Variants in ANGPTL4 observed in about 807,000 individuals in gnomAD.
The protein encoded by ANGPTL4 is angiopoietin like 4.
Under a neutral mutation model 39.2 loss-of-function variants are expected in ANGPTL4, and 39 were observed. The ratio of observed to expected loss-of-function variants is 1.00; its 90% CI spans 0.77 to 1.30. The LOEUF is 1.30. Among genes scored for constraint, ANGPTL4 ranks in the 50% most tolerant of loss-of-function variants. The pLI, the probability that ANGPTL4 is intolerant of heterozygous loss-of-function variation, is 0.00. For synonymous variants in ANGPTL4, 233 were observed against 229.5 expected (o/e 1.02, Z -0.14); for missense variants, 545 against 549.8 (o/e 0.99, Z 0.09).
chr19:8,370,615 G>A (rs911764522), intron 4 of ANGPTL4, among the ~76,000 whole-genome samples: 16 of 149,112 alleles, frequency 1.1e-4, no homozygotes, highest in African/African-American at 3.5e-4. Flanking sequence ...CACAAGAATC[G>A]CTTGAGCCCC....
intron 6 of ANGPTL4, 185 bp from the exon 7 acceptor site, chr19:8,373,520 G>C (rs572903620): frequency 1.3e-4 from 28 of 210,072 alleles, no homozygotes; most frequent in African/African-American, 3.5e-4. Context: ...GCAGTGAGCT[G>C]AGATCGCACC....
In ANGPTL4 at chr19:8,364,206, C is replaced by T. The variant is rs373435482; in HGVS notation, c.-116C>T. 4.0e-5 allele frequency: 43 copies of T among 1,064,700 alleles called. 3 individuals carry two copies. Among genetic ancestry groups the T allele is most frequent in the African/African-American group, 7.9e-5 (5 of 63,254 alleles). The allele number at this position is 1,064,700 out of a possible 1,614,324, so 66.0% of individuals were successfully genotyped here. On this transcript the variant is annotated 5_prime_UTR_variant, in exon 1 of 7. Coordinates refer to ENST00000301455, the MANE Select transcript of ANGPTL4 (RefSeq NM_139314.3). ...ACGACTGTGATCCGATTCTTTCCAG[C>T]GGCTTCTGCAACCAAGCGGGTCTTA...
Position 8,366,311 on chromosome 19 carries a change from G to A in ANGPTL4, c.539G>A (p.Arg180His), listed in dbSNP as rs145836344. 2.3e-5 allele frequency: 37 copies of A among 1,613,372 alleles called. No individual in the cohort carries two copies. Among genetic ancestry groups the A allele is most frequent in the Admixed American group, 5.0e-5 (3 of 59,974 alleles). Residue 180 changes from arginine to histidine, a missense_variant, in exon 3 of 7, where the codon CGC becomes CAC. Arg to His is a conservative substitution (Grantham distance 29). Transcript: ENST00000301455. Reference protein sequence around the residue: ...QPVDPAHNVSRLHRLPRDCQE... With the variant: ...QPVDPAHNVSHLHRLPRDCQE... The stretch of plus-strand genomic sequence containing the variant: ...GTTGACCCGGCTCACAATGTCAGCC[G>A]CCTGCACCGTGAGTGTCTGCCCCTC...
rs1417551643 is a variant in ANGPTL4 at position 8,374,212 on chromosome 19, T to C, written c.*326T>C. 7 of 367,472 alleles carry C rather than the reference T, an allele frequency of 1.9e-5. No individual in the cohort carries two copies. Among genetic ancestry groups the C allele is most frequent in the Non-Finnish European group, 3.6e-5 (7 of 193,096 alleles). 22.8% of individuals were successfully genotyped at this position (367,472 alleles called of 1,614,324 possible). On this transcript the variant is annotated 3_prime_UTR_variant, in exon 7 of 7. Coordinates refer to ENST00000301455, the MANE Select transcript of ANGPTL4 (RefSeq NM_139314.3). ...AGCCAGACTGGCCTCAATGGCGGAC[T>C]CAGTCACATTGACTGACGGGGACCA...
At position 8,373,898 on chromosome 19, in the gene ANGPTL4, G is replaced by C. The variant is rs1010576800; in HGVS notation, c.*12G>C. 2 of 1,612,528 alleles carry C rather than the reference G, an allele frequency of 1.2e-6. No homozygotes were observed. Among genetic ancestry groups the C allele is most frequent in the African/African-American group, 2.7e-5 (2 of 75,008 alleles). On this transcript the variant is annotated 3_prime_UTR_variant, in exon 7 of 7. Transcript: ENST00000301455. ...AGGCAGCCTCCTAGCGTCCTGGCTG[G>C]GCCTGGTCCCAGGCCCACGAAAGAC... is the stretch of plus-strand genomic sequence containing the variant.
At position 8,371,107 on chromosome 19, in the gene ANGPTL4, A is replaced by G. The variant is rs1229469014; in HGVS notation, c.713A>G (p.Asn238Ser). ...CGCCACGATGGCTCAGTGGACTTCA[A>G]CCGGCCCTGGGAAGCCTACAAGGCG... ...QRRHDGSVDFNRPWEAYKAGF... is the reference protein window; with the variant it reads ...QRRHDGSVDFSRPWEAYKAGF... The change falls in exon 5 of 7, where the codon AAC becomes AGC. Residue 238 changes from asparagine to serine, a missense_variant. Physicochemically the swap from Asn to Ser is conservative, Grantham distance 46. Coordinates refer to ENST00000301455, the MANE Select transcript of ANGPTL4 (RefSeq NM_139314.3). This position sits in a 1 kb window ranked among gnomAD's most constrained non-coding sequence, Gnocchi z 5.1. 1.1e-5 allele frequency: 18 copies of G among 1,611,238 alleles called. No individual in the cohort carries two copies. Among genetic ancestry groups the G allele is most frequent in the Middle Eastern group, 1.6e-4 (1 of 6,082 alleles).
intron 4 of ANGPTL4, 144 bp downstream of exon 4, chr19:8,369,476 T>TC: frequency 2.0e-6 from 1 of 500,504 alleles, no homozygotes; most frequent in East Asian, 3.7e-5. Flanking sequence ...TTTTTTTTTT[T>TC]GAGATGGAGT....
At chr19:8,370,800 C>T (rs1971100540) in intron 4 of ANGPTL4, among the ~76,000 whole-genome samples, 1 of 152,042 alleles carries the variant, frequency 6.6e-6, no homozygotes, top group Admixed American at 6.6e-5. Flanking sequence ...TCAGCTGGCC[C>T]AGAGAGGCTT....
In ANGPTL4 at chr19:8,371,178, CA is replaced by C; in HGVS notation, c.757+28del. 1.9e-6 allele frequency: 3 copies of C among 1,614,022 alleles called. No individual in the cohort carries two copies. In the African/African-American group the frequency reaches 4.0e-5, roughly 22 times the overall value. ...TAGGTGTTTCTAGTGGGGACAGAGG[CA>C]GGGGAGGAAGAGGGACCCTCAGAAG... is the stretch of plus-strand genomic sequence containing the variant. On this transcript the variant is annotated intron_variant, in intron 5 of 6. Transcript: ENST00000301455. This position sits in a 1 kb window ranked among gnomAD's most constrained non-coding sequence, Gnocchi z 5.1.
rs1159123271 is a variant in ANGPTL4 at position 8,364,293 on chromosome 19, G to A, written c.-29G>A. The A allele has an allele frequency of 8.5e-6, 13 of 1,530,286 alleles. No homozygotes were observed. The Middle Eastern group carries it at 6.9e-4, about 81-fold the overall frequency. 94.8% of individuals were successfully genotyped at this position (1,530,286 alleles called of 1,614,324 possible). On this transcript the variant is annotated 5_prime_UTR_variant, in exon 1 of 7. Coordinates refer to ENST00000301455, the MANE Select transcript of ANGPTL4 (RefSeq NM_139314.3). Reference sequence around the variant, plus strand: ...AACCCCAACGTCCCCGAGAGTCCCCGAATCCCCGCTCCCAGGCTACCTAAG... The same window carrying A: ...AACCCCAACGTCCCCGAGAGTCCCCAAATCCCCGCTCCCAGGCTACCTAAG...
At position 8,373,925 on chromosome 19, in the gene ANGPTL4, G is replaced by A; in HGVS notation, c.*39G>A. ...CCTGGTCCCAGGCCCACGAAAGACG[G>A]TGACTCTTGGCTCTGCCCGAGGATG... On this transcript the variant is annotated 3_prime_UTR_variant, in exon 7 of 7. Transcript: ENST00000301455. The A allele has an allele frequency of 6.2e-7, 1 of 1,605,078 alleles. No individual in the cohort carries two copies.
chr19:8,365,906 T>C, intron 1 of ANGPTL4, 48 bp from the exon 2 acceptor site: 2 of 1,408,032 alleles, frequency 1.4e-6, no homozygotes, highest in Non-Finnish European at 2.0e-6. Flanking sequence ...AATTAAGAGG[T>C]TGGGGTAGGC....
At chr19:8,369,368 C>A in intron 4 of ANGPTL4, 36 bp downstream of exon 4, 2 of 1,467,236 alleles carry the variant, frequency 1.4e-6, no homozygotes. Context: ...CCCCTCTCCC[C>A]ATAGGCCCTG....
Position 8,366,184 on chromosome 19 carries a change from C to T in ANGPTL4, c.430-18C>T, listed in dbSNP as rs775839013. 12 of 1,613,196 alleles carry T rather than the reference C, an allele frequency of 7.4e-6. No homozygotes were observed. The African/African-American group carries it at 1.3e-4, about 18-fold the overall frequency. On this transcript the variant is annotated intron_variant, in intron 2 of 6. Transcript: ENST00000301455. ...GGGGCCAGGCAGGACCTGACACCCT[C>T]CTCCCGTCCCATCCTAGTTTGGCCT...
rs1970951944 is a variant in ANGPTL4, at chr19:8,364,381, A to C, written c.60A>C (p.Leu20=). 6.5e-7 allele frequency: 1 copy of C among 1,546,638 alleles called. No homozygotes were observed. Among genetic ancestry groups the C allele is most frequent in the Non-Finnish European group, 8.7e-7 (1 of 1,149,694 alleles). The change falls in exon 1 of 7, where the codon CTA becomes CTC. Residue 20 remains leucine, a synonymous_variant. Coordinates refer to ENST00000301455, the MANE Select transcript of ANGPTL4 (RefSeq NM_139314.3). ...ALMLCAATAV[L]LSAQGGPVQS... ...TGCTCTGCGCCGCCACCGCCGTGCT[A>C]CTGAGCGCTCAGGGCGGACCCGTGC... is the stretch of plus-strand genomic sequence containing the variant.
At chr19:8,373,658 G>A (rs140083349) in intron 6 of ANGPTL4, 47 bp from the exon 7 acceptor site, 281 of 1,612,776 alleles carry the variant, frequency 1.7e-4, no homozygotes, top group Admixed American at 7.8e-4. Context: ...CAGCCCCATC[G>A]GTGGCTCAAA....
At chr19:8,369,458 T>C in intron 4 of ANGPTL4, 126 bp downstream of exon 4, 1 of 274,730 alleles carries the variant, frequency 3.6e-6, no homozygotes, top group Non-Finnish European at 6.7e-6. Context: ...AGCTGGTCTT[T>C]TTTTTTTTTT....
At position 8,371,180 on chromosome 19, in the gene ANGPTL4, G is replaced by A. The variant is rs375651388; in HGVS notation, c.757+29G>A. On this transcript the variant is annotated intron_variant, in intron 5 of 6. Coordinates refer to ENST00000301455, the MANE Select transcript of ANGPTL4 (RefSeq NM_139314.3). The surrounding 1 kb of genome is among the most constrained non-coding windows in gnomAD (Gnocchi z 5.1). The stretch of plus-strand genomic sequence containing the variant: ...GGTGTTTCTAGTGGGGACAGAGGCA[G>A]GGGAGGAAGAGGGACCCTCAGAAGT... 1.9e-5 allele frequency: 30 copies of A among 1,613,978 alleles called. No homozygotes were observed. The highest frequency in any genetic ancestry group is 2.4e-5 in the Non-Finnish European group (28 of 1,180,012).
Position 8,374,312 on chromosome 19 carries a change from C to T in ANGPTL4, c.*426C>T, listed in dbSNP as rs73925325. The T allele has an allele frequency of 2.7e-3, 520 of 190,382 alleles. 3 individuals are homozygous for T. The highest frequency in any genetic ancestry group is 0.011 in the African/African-American group (483 of 42,616). 11.8% of individuals were successfully genotyped at this position (190,382 alleles called of 1,614,324 possible). A position where few individuals can be genotyped will look rare whatever the true frequency, so the allele number is the denominator to read the frequency against. ...TAGGTCCCCTGGGGACACAAGCAGGCGCCAATGGTATCTGGGCGGAGCTCA... is the reference window on the plus strand; with the variant it reads ...TAGGTCCCCTGGGGACACAAGCAGGTGCCAATGGTATCTGGGCGGAGCTCA... On this transcript the variant is annotated 3_prime_UTR_variant, in exon 7 of 7. Transcript: ENST00000301455.
Sources: gnomAD v4.1 joint callset for allele counts (sites outside exome capture counted in the v4.1 genomes callset) on GRCh38, gnomAD v4.1.1 for gene constraint, Gnocchi (gnomAD v3.1) non-coding constraint, MANE v1.5 for transcripts, NCBI Gene and HGNC (gene_info 2026-07-23, HGNC 2026-07-21) for gene names.